RFX1: variants seen among roughly 807,000 people sequenced by gnomAD.
The protein encoded by RFX1 is MHC class II regulatory factor RFX1.
RFX1 carries 42 observed loss-of-function variants against 119.6 expected under a neutral mutation model. The observed-to-expected ratio is 0.35, with a 90% CI of 0.27 to 0.45. RFX1 has a LOEUF of 0.45. Ranked by LOEUF, RFX1 falls within the 20% of genes least tolerant of loss-of-function variation. The probability of loss-of-function intolerance (pLI) is 1.00; values close to 1 mark genes in which losing one functional copy is unlikely to be tolerated. For synonymous variants in RFX1, 628 were observed against 618.5 expected, an observed-to-expected ratio of 1.02 and a Z score of -0.23; for missense variants, 1,118 against 1,368.1, an observed-to-expected ratio of 0.82 and a Z score of 2.88.
In RFX1 at chr19:13,993,587, T is replaced by C; in HGVS notation, c.257A>G (p.Gln86Arg). 1 of 1,612,554 alleles carries C rather than the reference T, an allele frequency of 6.2e-7. No individual in the cohort carries two copies. The stretch of plus-strand genomic sequence containing the variant: ...CGAAGGGGTGGGTGCACCGGTTGGC[T>C]GCGAGGGTGCGGGTACAGCCGGGAG... ...TELPAVPAPS[Q>R]PTGAPTPSPA... is the part of the protein sequence containing the mutation. Residue 86 changes from glutamine to arginine, a missense_variant, in exon 2 of 21, where the codon CAG (glutamine) becomes CGG (arginine). By Grantham distance (43) the Gln-to-Arg change is conservative. Coordinates refer to ENST00000254325, the MANE Select transcript of RFX1 (RefSeq NM_002918.5).
intron 9 of RFX1, among the ~76,000 whole-genome samples, chr19:13,972,197 C>A (rs1007021982): frequency 7.2e-6 from 1 of 139,250 alleles, no homozygotes; most frequent in Non-Finnish European, 1.6e-5. Context: ...AAGTAGACAA[C>A]ATTTTTTTTT....
At chr19:13,994,937 T>TATAA (rs1194739757) in intron 1 of RFX1, among the ~76,000 whole-genome samples, 12 of 111,476 alleles carry the variant, frequency 1.1e-4, no homozygotes, top group Admixed American at 1.9e-4. Context: ...TATATATATA[T>TATAA]AATCATTTTT....
At position 13,980,900 on chromosome 19, in the gene RFX1, T is replaced by C. The variant is rs1331223283; in HGVS notation, c.622-211A>G. 6.6e-6 allele frequency among the ~76,000 whole-genome samples: 1 copy of C among 152,124 alleles called. No individual in the cohort carries two copies. Among genetic ancestry groups the C allele is most frequent in the Admixed American group, 6.5e-5 (1 of 15,268 alleles). On this transcript the variant is annotated intron_variant, in intron 5 of 20. Transcript: ENST00000254325. This position sits in a 1 kb window ranked among gnomAD's most constrained non-coding sequence, Gnocchi z 5.1. Reference sequence around the variant, plus strand: ...AGTCCCAGTCAACTCCCAGCAATGATGGGGGTTTAACCCTCCCCAGCAAGG... The same window carrying C: ...AGTCCCAGTCAACTCCCAGCAATGACGGGGGTTTAACCCTCCCCAGCAAGG...
chr19:13,978,560 C>T lies in RFX1; in HGVS notation c.835-474G>A, dbSNP rs372520589. ...GGCCTGAGTCCCCCACCTCCATCCC[C>T]CACCCTTGTCTGCAGGGGCGGAGCT... On this transcript the variant is annotated intron_variant, in intron 7 of 20. Coordinates refer to ENST00000254325, the MANE Select transcript of RFX1 (RefSeq NM_002918.5). Among the ~76,000 whole-genome samples the T allele has an allele frequency of 3.9e-5, 6 of 152,238 alleles. No homozygotes were observed. In the East Asian group the frequency reaches 1.2e-3, roughly 29 times the overall value.
chr19:13,997,181 T>C (rs13344802), intron 1 of RFX1, among the ~76,000 whole-genome samples: 2,221 of 152,296 alleles, frequency 0.015, 62 homozygotes, highest in African/African-American at 0.05. Flanking sequence ...CAGGGGAGGC[T>C]GGTTCCCATC....
chr19:13,987,719 A>G (rs565995722), intron 2 of RFX1, among the ~76,000 whole-genome samples: 1 of 152,336 alleles, frequency 6.6e-6, no homozygotes, highest in East Asian at 1.9e-4. Context: ...AGCATTGCCC[A>G]GTGACCCTTC....
rs1051174425 is a variant in RFX1, at chr19:13,964,013, T to G, written c.2212-6A>C. The G allele has an allele frequency of 2.0e-6, 3 of 1,531,978 alleles. No homozygotes were observed. Among genetic ancestry groups the G allele is most frequent in the East Asian group, 2.4e-5 (1 of 40,850 alleles). The allele number at this position is 1,531,978 out of a possible 1,614,324, so 94.9% of individuals were successfully genotyped here. A position where few individuals can be genotyped will look rare whatever the true frequency, so the allele number is the denominator to read the frequency against. The stretch of plus-strand genomic sequence containing the variant: ...AAGGCGCCAGCCGCGGCCACCTGCG[T>G]GCAGGGATTGAGGGGCTTGCTGCTT... On this transcript the variant is annotated splice_polypyrimidine_tract_variant and splice_region_variant and intron_variant, in intron 16 of 20. Coordinates refer to ENST00000254325, the MANE Select transcript of RFX1 (RefSeq NM_002918.5).
In RFX1 at chr19:13,978,765, G is replaced by A. The variant is rs1165077932; in HGVS notation, c.835-679C>T. On this transcript the variant is annotated intron_variant, in intron 7 of 20. Coordinates refer to ENST00000254325, the MANE Select transcript of RFX1 (RefSeq NM_002918.5). ...CGCCACCTACTTTGAGGGCCGTGGCGGCCGTGCCGAACACTAGCACCTGGG... is the reference window on the plus strand; with the variant it reads ...CGCCACCTACTTTGAGGGCCGTGGCAGCCGTGCCGAACACTAGCACCTGGG... Among the ~76,000 whole-genome samples the A allele has an allele frequency of 2.0e-5, 3 of 152,258 alleles. 1 individual carries two copies. Among genetic ancestry groups the A allele is most frequent in the African/African-American group, 7.2e-5 (3 of 41,566 alleles).
rs769726783 is a variant in RFX1, at chr19:13,968,529, C to T, written c.1732+36G>A. On this transcript the variant is annotated intron_variant, in intron 12 of 20. Transcript: ENST00000254325. The surrounding 1 kb of genome is among the most constrained non-coding windows in gnomAD (Gnocchi z 5.5). ...GAACCGTCTGCACGGGGCAGGGAGG[C>T]GGTGGTTGGGGAAGCACGGGCCAGG... 13 of 1,524,568 alleles carry T rather than the reference C, an allele frequency of 8.5e-6. No individual in the cohort carries two copies. In the East Asian group the frequency reaches 9.0e-5, roughly 11 times the overall value. The allele number at this position is 1,524,568 out of a possible 1,614,324, so 94.4% of individuals were successfully genotyped here.
At chr19:13,996,681 C>T (rs1352302430) in intron 1 of RFX1, among the ~76,000 whole-genome samples, 1 of 151,344 alleles carries the variant, frequency 6.6e-6, no homozygotes, top group East Asian at 1.9e-4. Context: ...TGTCAGTCCC[C>T]AACCCTACTT....
In RFX1 at chr19:13,963,710, C is replaced by G; in HGVS notation, c.2398G>C (p.Val800Leu). Reference protein sequence around the residue: ...ASWVCRCEDRVVQRLEQDFKV... With the variant: ...ASWVCRCEDRLVQRLEQDFKV... ...AAGTCCTGCTCCAGCCGCTGCACCA[C>G]GCGGTCCTCGCAGCGGCACACCCAC... Residue 800 changes from valine to leucine, a missense_variant, in exon 18 of 21, where the codon GTG becomes CTG. Around this residue, in one of 5 missense-constraint regions of RFX1, gnomAD observed 68 missense variants for 67.2 expected, o/e 1.01. Transcript: ENST00000254325. 1 of 1,602,386 alleles carries G rather than the reference C, an allele frequency of 6.2e-7. No individual in the cohort carries two copies. The highest frequency in any genetic ancestry group is 1.1e-5 in the South Asian group (1 of 90,006).
At chr19:13,994,734 T>TGC (rs1974932837) in intron 1 of RFX1, among the ~76,000 whole-genome samples, 1 of 149,326 alleles carries the variant, frequency 6.7e-6, no homozygotes, top group South Asian at 2.2e-4. Flanking sequence ...TGTGTGTGTG[T>TGC]GTGTGTGTGT....
chr19:13,999,675 T>TG lies in RFX1; in HGVS notation c.-52-5781_-52-5780insC, dbSNP rs201570338. On this transcript the variant is annotated intron_variant, in intron 1 of 20. Transcript: ENST00000254325. Reference sequence around the variant, plus strand: ...GTTTGTTGAACCCTGTGTTTTTTTTTTGTTTTTTTTTGTTTTTGAGGCAAA... The same window carrying TG: ...GTTTGTTGAACCCTGTGTTTTTTTTTGTGTTTTTTTTTGTTTTTGAGGCAAA... Among the ~76,000 whole-genome samples the TG allele has an allele frequency of 3.5e-3, 527 of 152,100 alleles. 4 individuals are homozygous for TG. Among genetic ancestry groups the TG allele is most frequent in the African/African-American group, 0.012 (503 of 41,414 alleles).
At position 13,973,008 on chromosome 19, in the gene RFX1, A is replaced by G. The variant is rs1974137539; in HGVS notation, c.1049T>C (p.Val350Ala). ...CATGGGCATGGAGCCACTGCTGGCCACCGCCTGGGAGGTGGCGGGGGTGCT... is the reference window on the plus strand; with the variant it reads ...CATGGGCATGGAGCCACTGCTGGCCGCCGCCTGGGAGGTGGCGGGGGTGCT... ...QVSTPATSQA[V>A]ASSGSMPMYV... The change falls in exon 9 of 21, where the codon GTG becomes GCG. Residue 350 changes from valine (V) to alanine (A), a missense_variant. Coordinates refer to ENST00000254325, the MANE Select transcript of RFX1 (RefSeq NM_002918.5). 2.5e-6 allele frequency: 4 copies of G among 1,600,588 alleles called. No homozygotes were observed. In the South Asian group the frequency reaches 3.3e-5, roughly 13 times the overall value.
Position 13,969,789 on chromosome 19 carries a change from G to T in RFX1, c.1496+205C>A. On this transcript the variant is annotated intron_variant, in intron 10 of 20. Coordinates refer to ENST00000254325, the MANE Select transcript of RFX1 (RefSeq NM_002918.5). This position sits in a 1 kb window ranked among gnomAD's most constrained non-coding sequence, Gnocchi z 4.5. ...GTTGAGGCAGTCAGGGGACGTGCAA[G>T]TAAGGAGGGGTGAGAAGCACATGAG... is the stretch of plus-strand genomic sequence containing the variant. 2.0e-6 allele frequency: 1 copy of T among 497,382 alleles called. No individual in the cohort carries two copies. Among genetic ancestry groups the T allele is most frequent in the Non-Finnish European group, 3.5e-6 (1 of 283,720 alleles). The allele number at this position is 497,382 out of a possible 1,614,324, so 30.8% of individuals were successfully genotyped here.
At chr19:13,994,243 C>G (rs1057135748) in intron 1 of RFX1, among the ~76,000 whole-genome samples, 1 of 152,114 alleles carries the variant, frequency 6.6e-6, no homozygotes, top group Non-Finnish European at 1.5e-5. Flanking sequence ...TGTGGTTGCT[C>G]TGTGCCCTCA....
rs1480975099 is a variant in RFX1 at position 13,986,143 on chromosome 19, C to A, written c.320-2548G>T. Among the ~76,000 whole-genome samples, 1 of 152,222 alleles carries A rather than the reference C, an allele frequency of 6.6e-6. No homozygotes were observed. The highest frequency in any genetic ancestry group is 1.9e-4 in the East Asian group (1 of 5,188). On this transcript the variant is annotated intron_variant, in intron 2 of 20. Transcript: ENST00000254325. This position sits in a 1 kb window ranked among gnomAD's most constrained non-coding sequence, Gnocchi z 4.2. Reference sequence around the variant, plus strand: ...CCCGAGTCATGTGACCGGCACTGCACACCTGGGTCCGTGGGGTCCAAGGAC... The same window carrying A: ...CCCGAGTCATGTGACCGGCACTGCAAACCTGGGTCCGTGGGGTCCAAGGAC...
chr19:13,969,172 G>A lies in RFX1; in HGVS notation c.1497-278C>T, dbSNP rs73924059. ...TGGGAATGGGAACCGAGACGTGAGC[G>A]GAGGTGAGCCATGGGGGTTGCAAAG... On this transcript the variant is annotated intron_variant, in intron 10 of 20. Transcript: ENST00000254325. The surrounding 1 kb of genome is among the most constrained non-coding windows in gnomAD (Gnocchi z 4.5). Among the ~76,000 whole-genome samples, 2,683 of 152,248 alleles carry A rather than the reference G, an allele frequency of 0.018. 76 individuals are homozygous for A. The highest frequency in any genetic ancestry group is 0.056 in the African/African-American group (2,321 of 41,528).
chr19:13,991,682 G>C (rs1599510767), intron 2 of RFX1, among the ~76,000 whole-genome samples: 2 of 151,780 alleles, frequency 1.3e-5, no homozygotes, highest in Admixed American at 6.6e-5. Context: ...TTTTTTTTGA[G>C]ATGGATTCTC....
Sources: allele counts gnomAD v4.1 joint callset (sites outside exome capture counted in the v4.1 genomes callset), GRCh38; gene constraint gnomAD v4.1.1; regional missense constraint gnomAD v4.1.1; non-coding constraint Gnocchi (gnomAD v3.1); transcripts MANE v1.5; gene names NCBI Gene and HGNC (gene_info 2026-07-23, HGNC 2026-07-21).